Variants in MAP2 observed in about 807,000 individuals in gnomAD.
MAP2 encodes the protein microtubule associated protein 2.
A neutral mutation model predicts 137.6 loss-of-function variants in MAP2; 14 were observed. The observed-to-expected ratio is 0.10, with a 90% CI of 0.07 to 0.16. The LOEUF is 0.16. Ranked by LOEUF, MAP2 falls within the 10% of genes least tolerant of loss-of-function variation. The pLI is 1.00. For missense variants in MAP2, 2,088 were observed against 2,191.5 expected (o/e 0.95, Z 0.94); for synonymous variants, 786 against 782.3 (o/e 1.00, Z -0.08).
At chr2:209,588,277 C>G (rs1019096453) in intron 3 of MAP2, among the ~76,000 whole-genome samples, 2 of 152,208 alleles carry the variant, frequency 1.3e-5, no homozygotes, top group Non-Finnish European at 2.9e-5. Flanking sequence ...CCAAGATTGT[C>G]TCTCTTTCTC....
chr2:209,442,744 C>A (rs946917818), intron 1 of MAP2, among the ~76,000 whole-genome samples: 3 of 151,620 alleles, frequency 2.0e-5, no homozygotes, highest in Non-Finnish European at 3.0e-5. Flanking sequence ...ACTTGAAACT[C>A]AACATGTTCA....
chr2:209,528,917 CACAT>C (rs1419386693), intron 2 of MAP2, among the ~76,000 whole-genome samples: 1 of 140,868 alleles, frequency 7.1e-6, no homozygotes, highest in African/African-American at 2.7e-5. Context: ...CATATATACA[CACAT>C]ACATATATAT....
intron 2 of MAP2, among the ~76,000 whole-genome samples, chr2:209,535,305 C>T (rs147305438): frequency 1.3e-5 from 2 of 152,210 alleles, no homozygotes; most frequent in East Asian, 3.9e-4. Flanking sequence ...CCCTTGATGC[C>T]GATAACAGGT....
chr2:209,700,295 C>G lies in MAP2; in HGVS notation c.4541C>G (p.Ala1514Gly). Residue 1514 changes from alanine (A) to glycine (G), a missense_variant, in exon 11 of 16, where the codon GCT (alanine) becomes GGT (glycine). Ala to Gly is a moderately conservative substitution (Grantham distance 60, BLOSUM62 0). Transcript: ENST00000682079. The stretch of plus-strand genomic sequence containing the variant: ...TCAACAGCAGCAGGTGGGGAATCAG[C>G]TCTGGCTCCCAGTGTATTTAAACAG... ...RKTTAAGGES[A>G]LAPSVFKQAK... The G allele has an allele frequency of 1.9e-6, 3 of 1,613,532 alleles. No individual in the cohort carries two copies. Among genetic ancestry groups the G allele is most frequent in the Non-Finnish European group, 2.5e-6 (3 of 1,179,610 alleles).
intron 5 of MAP2, among the ~76,000 whole-genome samples, chr2:209,653,880 T>C (rs1193039521): frequency 6.6e-6 from 1 of 152,226 alleles, no homozygotes; most frequent in Non-Finnish European, 1.5e-5. Context: ...AATTACAGTT[T>C]AGCTTTTCTA....
rs1428278927 is a variant in MAP2, at chr2:209,732,761, CAA to C, written c.*2368_*2369del. On this transcript the variant is annotated 3_prime_UTR_variant, in exon 16 of 16. Coordinates refer to ENST00000682079, the MANE Select transcript of MAP2 (RefSeq NM_001375505.1). ...AAGTCAGTTTATTACAAATACATGT[CAA>C]AAATAAAGATTATACAAGGCACCAA... 1 of 152,404 alleles carries C rather than the reference CAA, an allele frequency of 6.6e-6. No homozygotes were observed. The highest frequency in any genetic ancestry group is 2.4e-5 in the African/African-American group (1 of 41,348). The allele number at this position is 152,404 out of a possible 1,614,324, so 9.4% of individuals were successfully genotyped here. A position where few individuals can be genotyped will look rare whatever the true frequency, so the allele number is the denominator to read the frequency against.
Position 209,601,960 on chromosome 2 carries a change from C to G in MAP2, c.-107+21860C>G, listed in dbSNP as rs538371266. 2.6e-5 allele frequency among the ~76,000 whole-genome samples: 4 copies of G among 152,324 alleles called. No individual in the cohort carries two copies. The East Asian group carries it at 7.7e-4, about 29-fold the overall frequency. On this transcript the variant is annotated intron_variant, in intron 3 of 15. Coordinates refer to ENST00000682079, the MANE Select transcript of MAP2 (RefSeq NM_001375505.1). ...TGTTTACTTGTGTGATATGCATGAA[C>G]TCTTCCAAGCTTCAAGGTCTGTTTT...
intron 1 of MAP2, among the ~76,000 whole-genome samples, chr2:209,468,317 CTTTTTTTTTT>C (rs11450792): frequency 2.3e-5 from 2 of 88,532 alleles, no homozygotes; most frequent in Non-Finnish European, 4.0e-5. Context: ...TTTAGTGTTT[CTTTTTTTTTT>C]TTTTTTTTTT....
At position 209,693,336 on chromosome 2, in the gene MAP2, C is replaced by A; in HGVS notation, c.1166C>A (p.Thr389Asn). The A allele has an allele frequency of 1.2e-6, 2 of 1,613,232 alleles. No homozygotes were observed. The highest frequency in any genetic ancestry group is 1.1e-5 in the South Asian group (1 of 90,846). Residue 389 changes from threonine (T) to asparagine (N), a missense_variant, in exon 8 of 16, where the codon ACC becomes AAC. Coordinates refer to ENST00000682079, the MANE Select transcript of MAP2 (RefSeq NM_001375505.1). ...GAAGCACCACCCTCAGAGGCAATGA[C>A]CTTACCCAAAGATGCTCACATTCCA... ...MAEAPPSEAM[T>N]LPKDAHIPVV...
intron 7 of MAP2, among the ~76,000 whole-genome samples, chr2:209,684,294 G>A (rs563858401): frequency 6.6e-6 from 1 of 152,284 alleles, no homozygotes; most frequent in Non-Finnish European, 1.5e-5. Flanking sequence ...CATGGATGTG[G>A]TGACCTAATC....
At chr2:209,664,955 T>A in intron 5 of MAP2, among the ~76,000 whole-genome samples, 1 of 78,612 alleles carries the variant, frequency 1.3e-5, no homozygotes, top group East Asian at 3.7e-4. Context: ...AGAGCGAAAC[T>A]CCGTCTCAAA....
At chr2:209,612,331 G>T (rs907583232) in intron 3 of MAP2, among the ~76,000 whole-genome samples, 2 of 152,124 alleles carry the variant, frequency 1.3e-5, no homozygotes, top group Non-Finnish European at 2.9e-5. Flanking sequence ...TGAAATGTTT[G>T]CATTTCAGTA....
intron 13 of MAP2, chr2:209,710,918 T>C (rs1175864640): frequency 6.6e-6 from 1 of 152,406 alleles, no homozygotes; most frequent in Non-Finnish European, 1.5e-5. Flanking sequence ...CAAACATTCA[T>C]ATCTTTTCAA....
At chr2:209,461,419 C>G (rs1348925110) in intron 1 of MAP2, among the ~76,000 whole-genome samples, 1 of 152,048 alleles carries the variant, frequency 6.6e-6, no homozygotes, top group East Asian at 1.9e-4. Context: ...CATAGCATGG[C>G]TTTAAATAAT....
intron 1 of MAP2, among the ~76,000 whole-genome samples, chr2:209,500,032 C>T (rs1036061919): frequency 1.3e-5 from 2 of 152,164 alleles, no homozygotes; most frequent in African/African-American, 4.8e-5. Context: ...AGTTGTAACA[C>T]TCTCCTTTAT....
chr2:209,696,831 C>T, intron 9 of MAP2, 83 bp downstream of exon 9: 1 of 1,536,984 alleles, frequency 6.5e-7, no homozygotes, highest in Non-Finnish European at 8.8e-7. Context: ...ACAGTGGTAA[C>T]TAATTATTTA....
At chr2:209,460,005 A>G (rs1394951707) in intron 1 of MAP2, among the ~76,000 whole-genome samples, 2 of 152,304 alleles carry the variant, frequency 1.3e-5, no homozygotes, top group East Asian at 1.9e-4. Flanking sequence ...CTGATATTCT[A>G]TGAGTCCAAC....
chr2:209,426,428 C>T (rs1220785357), intron 1 of MAP2, among the ~76,000 whole-genome samples: 1 of 151,986 alleles, frequency 6.6e-6, no homozygotes, highest in African/African-American at 2.4e-5. Context: ...TTCTATACTG[C>T]CATAGGAGGG....
chr2:209,669,031 C>G (rs1276152413), intron 5 of MAP2, among the ~76,000 whole-genome samples: 4 of 151,992 alleles, frequency 2.6e-5, no homozygotes, highest in African/African-American at 9.7e-5. Context: ...TCTGTCAAGT[C>G]ATTTCAGGTG....
Sources: allele counts gnomAD v4.1 joint callset (sites outside exome capture counted in the v4.1 genomes callset), GRCh38; gene constraint gnomAD v4.1.1; transcripts MANE v1.5; gene names NCBI Gene and HGNC (gene_info 2026-07-23, HGNC 2026-07-21).